The following PTPRD variants were observed in gnomAD, a reference collection of about 807,000 sequenced individuals.
PTPRD encodes receptor-type tyrosine-protein phosphatase delta.
Under a neutral mutation model 214.5 loss-of-function variants are expected in PTPRD, and 34 were observed. The observed-to-expected ratio is 0.16, with a 90% CI of 0.12 to 0.21. The LOEUF (loss-of-function observed/expected upper bound fraction) is 0.21, where lower values mean the gene tolerates loss of function less well. PTPRD is among the 10% of genes least tolerant of loss of function. The pLI, the probability that PTPRD is intolerant of heterozygous loss-of-function variation, is 1.00. For synonymous variants in PTPRD, 1,128 were observed against 845.7 expected (o/e 1.33, Z -5.79); for missense variants, 2,545 against 2,398.7 (o/e 1.06, Z -1.27).
intron 11 of PTPRD, among the ~76,000 whole-genome samples, chr9:8,930,369 C>T (rs531487078): frequency 7.9e-4 from 120 of 152,194 alleles, no homozygotes; most frequent in African/African-American, 2.7e-3. Context: ...CATTGTTGGA[C>T]ATCTGGGTTG....
At chr9:9,616,377 G>A (rs2094862370) in intron 7 of PTPRD, among the ~76,000 whole-genome samples, 1 of 152,080 alleles carries the variant, frequency 6.6e-6, no homozygotes, top group South Asian at 2.1e-4. Flanking sequence ...TACTGTTCCT[G>A]TAAGTTTCTG....
At chr9:8,905,883 G>A (rs1034793319) in intron 11 of PTPRD, among the ~76,000 whole-genome samples, 1 of 152,250 alleles carries the variant, frequency 6.6e-6, no homozygotes, top group East Asian at 1.9e-4. Context: ...AACAAATCAT[G>A]TCTGTGTTGC....
chr9:9,246,545 C>A (rs1403453564), intron 9 of PTPRD, among the ~76,000 whole-genome samples: 2 of 152,106 alleles, frequency 1.3e-5, no homozygotes, highest in Admixed American at 1.3e-4. Context: ...ATCTTCTCAA[C>A]TGGCTATCCC....
chr9:9,127,223 C>A lies in PTPRD; in HGVS notation c.-143+56081G>T, dbSNP rs528128204. Among the ~76,000 whole-genome samples the A allele has an allele frequency of 1.2e-3, 184 of 152,280 alleles. 1 individual carries two copies. The highest frequency in any genetic ancestry group is 3.4e-3 in the Middle Eastern group (1 of 294). ...CGAGAATACCTGGAAAAAATCCACA[C>A]CAACATGGGGAAAATGTGCAAACTC... On this transcript the variant is annotated intron_variant, in intron 10 of 45. Coordinates refer to ENST00000381196, the MANE Select transcript of PTPRD (RefSeq NM_002839.4).
chr9:9,484,117 T>C (rs1370770443), intron 8 of PTPRD, among the ~76,000 whole-genome samples: 1 of 151,860 alleles, frequency 6.6e-6, no homozygotes, highest in Non-Finnish European at 1.5e-5. Context: ...AATGGGTTAA[T>C]AAGAGATTGA....
chr9:8,707,711 C>G (rs190132475), intron 12 of PTPRD, among the ~76,000 whole-genome samples: 9 of 152,292 alleles, frequency 5.9e-5, no homozygotes, highest in Admixed American at 5.2e-4. Context: ...GAGAAAAGGT[C>G]TCCTACTATT....
chr9:9,205,224 T>A (rs1211014706), intron 9 of PTPRD, among the ~76,000 whole-genome samples: 4 of 152,162 alleles, frequency 2.6e-5, no homozygotes, highest in African/African-American at 4.8e-5. Flanking sequence ...TGAATTCCCA[T>A]CAAGTTTTGT....
intron 33 of PTPRD, among the ~76,000 whole-genome samples, chr9:8,453,352 G>A (rs1483296154): frequency 3.9e-5 from 6 of 151,916 alleles, no homozygotes; most frequent in African/African-American, 1.5e-4. Flanking sequence ...TTTTAGTAGA[G>A]ATGTGGTTTC....
intron 9 of PTPRD, among the ~76,000 whole-genome samples, chr9:9,337,993 G>A (rs1425247025): frequency 6.6e-6 from 1 of 152,162 alleles, no homozygotes; most frequent in Non-Finnish European, 1.5e-5. Context: ...ATTAAGAGGA[G>A]ATAACTTTGA....
intron 33 of PTPRD, among the ~76,000 whole-genome samples, chr9:8,458,781 T>G (rs957988152): frequency 2.0e-5 from 3 of 152,204 alleles, no homozygotes; most frequent in Non-Finnish European, 4.4e-5. Flanking sequence ...AGATACAGAT[T>G]GGAATGGAAG....
At chr9:9,392,056 T>C (rs770459236) in intron 9 of PTPRD, among the ~76,000 whole-genome samples, 5 of 152,124 alleles carry the variant, frequency 3.3e-5, no homozygotes, top group Non-Finnish European at 7.4e-5. Context: ...TTTATAGTCC[T>C]AGAGACAAAT....
At chr9:8,611,503 G>A (rs568043077) in intron 14 of PTPRD, among the ~76,000 whole-genome samples, 3 of 152,118 alleles carry the variant, frequency 2.0e-5, no homozygotes, top group Admixed American at 6.5e-5. Flanking sequence ...CCAGGAGTTC[G>A]AGACCAGCCT....
intron 2 of PTPRD, among the ~76,000 whole-genome samples, chr9:10,536,960 T>C (rs915980285): frequency 6.6e-6 from 1 of 152,168 alleles, no homozygotes; most frequent in African/African-American, 2.4e-5. Flanking sequence ...TATTAGGTAA[T>C]TCAAATGAAA....
chr9:9,496,679 G>A (rs531838564), intron 8 of PTPRD, among the ~76,000 whole-genome samples: 1 of 152,282 alleles, frequency 6.6e-6, no homozygotes, highest in South Asian at 2.1e-4. Flanking sequence ...AGCTGCTGTG[G>A]ACAGTGTTAT....
At chr9:8,702,675 A>G (rs1224202373) in intron 12 of PTPRD, among the ~76,000 whole-genome samples, 1 of 152,142 alleles carries the variant, frequency 6.6e-6, no homozygotes, top group Non-Finnish European at 1.5e-5. Flanking sequence ...GTGCAGTGGC[A>G]CGATCTCGGC....
At chr9:9,328,619 T>C (rs1252406105) in intron 9 of PTPRD, among the ~76,000 whole-genome samples, 1 of 11,050 alleles carries the variant, frequency 9.0e-5, no homozygotes, top group African/African-American at 5.0e-4. Context: ...TTGTTCTTGC[T>C]TTTTTTTTTT....
intron 9 of PTPRD, among the ~76,000 whole-genome samples, chr9:9,294,421 G>A (rs572246842): frequency 6.6e-6 from 1 of 151,758 alleles, no homozygotes; most frequent in Non-Finnish European, 1.5e-5. Context: ...GTTATGGATT[G>A]AATAAATAAA....
At chr9:10,358,367 T>C (rs1382803149) in intron 2 of PTPRD, among the ~76,000 whole-genome samples, 1 of 151,990 alleles carries the variant, frequency 6.6e-6, no homozygotes, top group Admixed American at 6.5e-5. Context: ...AAATAATGTG[T>C]AAGTTTTATT....
At chr9:10,568,849 G>A (rs933982808) in intron 2 of PTPRD, among the ~76,000 whole-genome samples, 1 of 152,214 alleles carries the variant, frequency 6.6e-6, no homozygotes, top group South Asian at 2.1e-4. Flanking sequence ...TACCATGCAG[G>A]ACATACGCTT....
Sources: allele counts gnomAD v4.1 joint callset (sites outside exome capture counted in the v4.1 genomes callset), GRCh38; gene constraint gnomAD v4.1.1; transcripts MANE v1.5; gene names NCBI Gene and HGNC (gene_info 2026-07-23, HGNC 2026-07-21).